CCDC60: variants seen among roughly 807,000 people sequenced by gnomAD.
CCDC60 encodes coiled-coil domain-containing protein 60.
A neutral mutation model predicts 63.5 loss-of-function variants in CCDC60; 54 were observed. The observed-to-expected ratio is 0.85, with a 90% CI of 0.68 to 1.07. The LOEUF (loss-of-function observed/expected upper bound fraction) is 1.07, where lower values mean the gene tolerates loss of function less well. Ranked by LOEUF, CCDC60 falls within the 50% of genes least tolerant of loss-of-function variation. The pLI, the probability that CCDC60 is intolerant of heterozygous loss-of-function variation, is 0.00. For synonymous variants in CCDC60, 206 were observed against 238.8 expected, an observed-to-expected ratio of 0.86 and a Z score of 1.27; for missense variants, 651 against 684.3, an observed-to-expected ratio of 0.95 and a Z score of 0.54.
At chr12:119,524,716 C>CTGTT (rs1952633593) in intron 11 of CCDC60, among the ~76,000 whole-genome samples, 1 of 90,592 alleles carries the variant, frequency 1.1e-5, no homozygotes, top group Non-Finnish European at 2.1e-5. Context: ...CTTTTCTTTT[C>CTGTT]TTTTCTTTTT....
chr12:119,395,250 G>A (rs1162188063), intron 1 of CCDC60, among the ~76,000 whole-genome samples: 1 of 152,198 alleles, frequency 6.6e-6, no homozygotes, highest in Non-Finnish European at 1.5e-5. Context: ...TCTTGAGCAA[G>A]AGCATGTGTA....
At chr12:119,422,220 C>A (rs1304627676) in intron 1 of CCDC60, among the ~76,000 whole-genome samples, 1 of 152,222 alleles carries the variant, frequency 6.6e-6, no homozygotes. Flanking sequence ...AAGCCAATGG[C>A]ACATCCAAGG....
intron 4 of CCDC60, among the ~76,000 whole-genome samples, chr12:119,485,965 T>C (rs1301676426): frequency 6.6e-6 from 1 of 152,040 alleles, no homozygotes; most frequent in Non-Finnish European, 1.5e-5. Context: ...TTCACTTCCT[T>C]TGTTCATTTC....
chr12:119,345,035 G>A (rs575002759), intron 1 of CCDC60, among the ~76,000 whole-genome samples: 1 of 152,124 alleles, frequency 6.6e-6, no homozygotes, highest in Non-Finnish European at 1.5e-5. Flanking sequence ...TCTTCCCTAG[G>A]AAACTGTAAG....
intron 4 of CCDC60, among the ~76,000 whole-genome samples, chr12:119,486,775 G>A (rs1418850936): frequency 2.0e-5 from 3 of 152,036 alleles, no homozygotes; most frequent in South Asian, 2.1e-4. Flanking sequence ...AGGATTAGCC[G>A]GGATAACCCT....
intron 11 of CCDC60, among the ~76,000 whole-genome samples, chr12:119,527,688 T>TA (rs1315404458): frequency 2.9e-5 from 4 of 140,140 alleles, no homozygotes; most frequent in Non-Finnish European, 4.7e-5. Flanking sequence ...TTTTTTTTTT[T>TA]TTTATTGAGA....
chr12:119,500,979 A>C (rs1951837508), intron 6 of CCDC60, among the ~76,000 whole-genome samples: 1 of 152,242 alleles, frequency 6.6e-6, no homozygotes, highest in African/African-American at 2.4e-5. Context: ...TTCCTAACCC[A>C]GGACCTCCCA....
intron 1 of CCDC60, among the ~76,000 whole-genome samples, chr12:119,368,071 C>G (rs1025812888): frequency 2.6e-4 from 30 of 115,152 alleles, no homozygotes; most frequent in African/African-American, 9.2e-4. Context: ...AAAAGAAGAA[C>G]AAGAAGAAGG....
At chr12:119,471,415 G>T (rs1322515159) in intron 2 of CCDC60, among the ~76,000 whole-genome samples, 1 of 152,232 alleles carries the variant, frequency 6.6e-6, no homozygotes, top group African/African-American at 2.4e-5. Flanking sequence ...TCATGGAAGA[G>T]CCCATCTTCT....
chr12:119,350,334 A>T (rs1955643815), intron 1 of CCDC60, among the ~76,000 whole-genome samples: 1 of 152,018 alleles, frequency 6.6e-6, no homozygotes, highest in Non-Finnish European at 1.5e-5. Context: ...AGTAGCTGGG[A>T]TTATAGGCGC....
chr12:119,354,841 G>A (rs1305294565), intron 1 of CCDC60, among the ~76,000 whole-genome samples: 1 of 152,164 alleles, frequency 6.6e-6, no homozygotes, highest in Non-Finnish European at 1.5e-5. Context: ...CAGAGACAAA[G>A]CCAAAGAAAT....
chr12:119,368,152 AAAG>A (rs146893716), intron 1 of CCDC60, among the ~76,000 whole-genome samples: 7,984 of 138,718 alleles, frequency 0.058, 270 homozygotes, highest in Non-Finnish European at 0.072. Context: ...GAGGAGAAGA[AAAG>A]AAGGAGGAGG....
At chr12:119,430,491 C>T (rs967575323) in intron 2 of CCDC60, among the ~76,000 whole-genome samples, 9 of 151,838 alleles carry the variant, frequency 5.9e-5, no homozygotes, top group Non-Finnish European at 1.2e-4. Context: ...ATGGTACAAC[C>T]CTGTCTCTAC....
At chr12:119,387,600 G>GTA (rs941346967) in intron 1 of CCDC60, among the ~76,000 whole-genome samples, 3 of 151,982 alleles carry the variant, frequency 2.0e-5, no homozygotes, top group South Asian at 2.1e-4. Flanking sequence ...AGGTATGAAT[G>GTA]TATATATATA....
At chr12:119,461,144 A>G (rs1437889917) in intron 2 of CCDC60, among the ~76,000 whole-genome samples, 1 of 152,000 alleles carries the variant, frequency 6.6e-6, no homozygotes, top group African/African-American at 2.4e-5. Flanking sequence ...AATCACTCCA[A>G]CTTCTCAGGA....
chr12:119,471,421 C>A lies in CCDC60; in HGVS notation c.171-573C>A, dbSNP rs112508249. Among the ~76,000 whole-genome samples the A allele has an allele frequency of 8.3e-3, 1,269 of 152,364 alleles. 6 individuals carry two copies. The highest frequency in any genetic ancestry group is 0.027 in the Middle Eastern group (8 of 294). ...CATTGATTTTCATGGAAGAGCCCAT[C>A]TTCTGTGCCAAGCACTTCACTGCTG... On this transcript the variant is annotated intron_variant, in intron 2 of 13. Coordinates refer to ENST00000327554, the MANE Select transcript of CCDC60 (RefSeq NM_178499.5).
chr12:119,432,204 T>G (rs1485701577), intron 2 of CCDC60, among the ~76,000 whole-genome samples: 1 of 152,178 alleles, frequency 6.6e-6, no homozygotes, highest in Non-Finnish European at 1.5e-5. Context: ...CCCCAGGGAC[T>G]GGTGACATGT....
chr12:119,387,457 G>A (rs1215266083), intron 1 of CCDC60, among the ~76,000 whole-genome samples: 3 of 152,108 alleles, frequency 2.0e-5, no homozygotes, highest in East Asian at 1.9e-4. Context: ...ACTCATTTGT[G>A]TTGCTAAAAG....
intron 1 of CCDC60, among the ~76,000 whole-genome samples, chr12:119,367,352 C>A (rs1284802994): frequency 1.3e-5 from 2 of 152,168 alleles, no homozygotes; most frequent in African/African-American, 4.8e-5. Context: ...CCAGAAAAAG[C>A]CCTCGAGTCT....
Sources: gnomAD v4.1 joint callset for allele counts (sites outside exome capture counted in the v4.1 genomes callset) on GRCh38, gnomAD v4.1.1 for gene constraint, MANE v1.5 for transcripts, NCBI Gene and HGNC (gene_info 2026-07-23, HGNC 2026-07-21) for gene names.